The following AGRN variants were observed in gnomAD, a reference collection of about 807,000 sequenced individuals.
AGRN encodes agrin proteoglycan.
AGRN carries 106 observed loss-of-function variants against 211.0 expected under a neutral mutation model. That is an observed-to-expected ratio of 0.50 (90% CI 0.43 to 0.59). AGRN has a LOEUF of 0.59. Among genes scored for constraint, AGRN ranks in the 20% least tolerant of loss-of-function variants. The probability of loss-of-function intolerance (pLI) is 0.00; values close to 1 mark genes in which losing one functional copy is unlikely to be tolerated. For synonymous variants in AGRN, 1,525 were observed against 1,332.5 expected (o/e 1.14, Z -3.15); for missense variants, 3,040 against 2,982.6 (o/e 1.02, Z -0.45).
intron 2 of AGRN, chr1:1,034,105 C>G: frequency 1.0e-6 from 1 of 985,052 alleles, no homozygotes; most frequent in Non-Finnish European, 1.2e-6. Context: ...CCCCTCCTGC[C>G]TGCCCGCTCC....
chr1:1,035,561 C>T (rs1039785424), intron 3 of AGRN, among the ~76,000 whole-genome samples: 3 of 152,258 alleles, frequency 2.0e-5, no homozygotes, highest in Non-Finnish European at 4.4e-5. Context: ...GGGCCTCAGC[C>T]CCCTCAGCCT....
intron 2 of AGRN, among the ~76,000 whole-genome samples, chr1:1,028,504 T>C (rs1206661459): frequency 6.3e-4 from 85 of 135,630 alleles, no homozygotes; most frequent in African/African-American, 1.5e-3. Flanking sequence ...ACGCCACCCT[T>C]TCCGAAGGAA....
intron 2 of AGRN, among the ~76,000 whole-genome samples, chr1:1,029,317 G>A (rs951590092): frequency 7.0e-6 from 1 of 143,502 alleles, no homozygotes; most frequent in Non-Finnish European, 1.5e-5. Context: ...ATGGGTGGGG[G>A]TTGAGGGACA....
At chr1:1,035,178 G>T (rs1482556618) in intron 2 of AGRN, 99 bp from the exon 3 acceptor site, 23 of 1,229,722 alleles carry the variant, frequency 1.9e-5, no homozygotes, top group Middle Eastern at 2.7e-4. Flanking sequence ...GTGGGGGGGG[G>T]GGGGTGGGCA....
chr1:1,051,311 TCAG>T lies in AGRN; in HGVS notation c.5315_5317del (p.Ser1772del), dbSNP rs1302115581. On this transcript the variant is annotated inframe_deletion, in exon 31 of 36. Coordinates refer to ENST00000379370, the MANE Select transcript of AGRN (RefSeq NM_198576.4). ...CTCTACGTAGGGGGCGCTCCCGACT[TCAG>T]CAAGCTGGCCCGTGCTGCTGCCGTG... 6 of 1,571,378 alleles carry T rather than the reference TCAG, an allele frequency of 3.8e-6. No homozygotes were observed. In the African/African-American group the frequency reaches 4.0e-5, roughly 11 times the overall value.
Position 1,048,061 on chromosome 1 carries a change from G to T in AGRN, c.3801G>T (p.Ala1267=), listed in dbSNP as rs148483856. 1 of 1,584,960 alleles carries T rather than the reference G, an allele frequency of 6.3e-7. No individual in the cohort carries two copies. Among genetic ancestry groups the T allele is most frequent in the East Asian group, 2.3e-5 (1 of 43,740 alleles). The change falls in exon 23 of 36, where the codon GCG becomes GCT. Residue 1267 remains alanine (A), a synonymous_variant. Coordinates refer to ENST00000379370, the MANE Select transcript of AGRN (RefSeq NM_198576.4). The surrounding 1 kb of genome is among the most constrained non-coding windows in gnomAD (Gnocchi z 5.9). ...ITGATSGAIA[A]GATARATTAS... Reference sequence around the variant, plus strand: ...GGGCCACGTCAGGAGCCATTGCTGCGGGAGCCACGGCCAGAGCCACCACTG... The same window carrying T: ...GGGCCACGTCAGGAGCCATTGCTGCTGGAGCCACGGCCAGAGCCACCACTG...
At position 1,054,822 on chromosome 1, in the gene AGRN, A is replaced by AG; in HGVS notation, c.5984dup. 1 of 1,555,854 alleles carries AG rather than the reference A, an allele frequency of 6.4e-7. No homozygotes were observed. On this transcript the variant is annotated splice_acceptor_variant, in intron 35 of 35. Transcript: ENST00000379370. LOFTEE classifies it high-confidence loss of function. The stretch of plus-strand genomic sequence containing the variant: ...GGGTGACTCCCACTGTCTGTGCTGC[A>AG]GGGGGCCTGCCGGAGCTGCCCGTGG...
Position 1,045,823 on chromosome 1 carries a change from A to T in AGRN, c.2627A>T (p.Lys876Met), listed in dbSNP as rs756372072. ...TGTAAGCCCGGGGTGGCTGGACCCAAGTGTGGGCAGTGTCCAGACGGCCGT... is the reference window on the plus strand; with the variant it reads ...TGTAAGCCCGGGGTGGCTGGACCCATGTGTGGGCAGTGTCCAGACGGCCGT... ...CSCKPGVAGP[K>M]CGQCPDGRAL... The change falls in exon 15 of 36, where the codon AAG becomes ATG. Residue 876 changes from lysine (K) to methionine (M), a missense_variant. Coordinates refer to ENST00000379370, the MANE Select transcript of AGRN (RefSeq NM_198576.4). 10 of 1,612,626 alleles carry T rather than the reference A, an allele frequency of 6.2e-6. No individual in the cohort carries two copies. The East Asian group carries it at 1.3e-4, about 22-fold the overall frequency.
intron 2 of AGRN, among the ~76,000 whole-genome samples, chr1:1,027,554 G>A (rs1007614734): frequency 6.6e-6 from 1 of 152,254 alleles, no homozygotes; most frequent in Non-Finnish European, 1.5e-5. Context: ...CTGGCAAAGG[G>A]CCCAGGACCT....
intron 2 of AGRN, among the ~76,000 whole-genome samples, chr1:1,023,047 G>A (rs1178692627): frequency 6.6e-6 from 1 of 152,256 alleles, no homozygotes; most frequent in African/African-American, 2.4e-5. Context: ...CGCAGGACAA[G>A]TCCCAGTTGG....
Position 1,049,394 on chromosome 1 carries a change from G to T in AGRN, c.4457G>T (p.Gly1486Val). 4 of 1,598,966 alleles carry T rather than the reference G, an allele frequency of 2.5e-6. No homozygotes were observed. The highest frequency in any genetic ancestry group is 1.3e-5 in the African/African-American group (1 of 75,000). Reference protein sequence around the residue: ...VLGESPSGTDGLNLDTDLFVG... With the variant: ...VLGESPSGTDVLNLDTDLFVG... ...GGCGAGAGTCCCAGTGGCACCGACG[G>T]CCTCAACCTGGACACAGACCTCTTT... The change falls in exon 25 of 36, where the codon GGC (glycine) becomes GTC (valine). Residue 1486 changes from glycine to valine, a missense_variant. Coordinates refer to ENST00000379370, the MANE Select transcript of AGRN (RefSeq NM_198576.4).
At chr1:1,020,688 G>A (rs1447793440) in intron 1 of AGRN, among the ~76,000 whole-genome samples, 1 of 152,160 alleles carries the variant, frequency 6.6e-6, no homozygotes, top group Non-Finnish European at 1.5e-5. Flanking sequence ...GGGAGGGGGG[G>A]CCTTTGCCCG....
chr1:1,049,076 C>G lies in AGRN; in HGVS notation c.4298+17C>G. 9.5e-7 allele frequency: 1 copy of G among 1,054,260 alleles called. No individual in the cohort carries two copies. Among genetic ancestry groups the G allele is most frequent in the Non-Finnish European group, 1.3e-6 (1 of 741,250 alleles). 65.3% of individuals were successfully genotyped at this position (1,054,260 alleles called of 1,614,324 possible). A position where few individuals can be genotyped will look rare whatever the true frequency, so the allele number is the denominator to read the frequency against. On this transcript the variant is annotated intron_variant, in intron 24 of 35. Transcript: ENST00000379370. ...GCAGCTCAGGTGGGCGGGGAGGGGA[C>G]GGGGCCGGGGCAGCTCAGGTGGGCG...
chr1:1,054,809 C>T lies in AGRN; in HGVS notation c.5981-15C>T, dbSNP rs1272875445. On this transcript the variant is annotated splice_polypyrimidine_tract_variant and intron_variant, in intron 35 of 35. Transcript: ENST00000379370. ...CTGAGTCACAGCCGGGTGACTCCCA[C>T]TGTCTGTGCTGCAGGGGGCCTGCCG... The T allele has an allele frequency of 6.4e-7, 1 of 1,551,400 alleles. No individual in the cohort carries two copies. The highest frequency in any genetic ancestry group is 2.4e-5 in the East Asian group (1 of 41,640).
At position 1,050,868 on chromosome 1, in the gene AGRN, G is replaced by A. The variant is rs372031232; in HGVS notation, c.5253+31G>A. On this transcript the variant is annotated intron_variant, in intron 30 of 35. Coordinates refer to ENST00000379370, the MANE Select transcript of AGRN (RefSeq NM_198576.4). Reference sequence around the variant, plus strand: ...TGCTCTGGGCCGCGAGGGGACTCCCGCTGCTGCCTGCTCTTCCTCCTCGGG... The same window carrying A: ...TGCTCTGGGCCGCGAGGGGACTCCCACTGCTGCCTGCTCTTCCTCCTCGGG... 759 of 1,527,892 alleles carry A rather than the reference G, an allele frequency of 5.0e-4. 3 individuals carry two copies. The highest frequency in any genetic ancestry group is 3.3e-3 in the Middle Eastern group (18 of 5,534). 94.6% of individuals were successfully genotyped at this position (1,527,892 alleles called of 1,614,324 possible). A position where few individuals can be genotyped will look rare whatever the true frequency, so the allele number is the denominator to read the frequency against.
Position 1,045,254 on chromosome 1 carries a change from G to A in AGRN, c.2348G>A (p.Gly783Asp). 1 of 1,611,690 alleles carries A rather than the reference G, an allele frequency of 6.2e-7. No homozygotes were observed. Among genetic ancestry groups the A allele is most frequent in the Non-Finnish European group, 8.5e-7 (1 of 1,179,500 alleles). Residue 783 changes from glycine to aspartate, a missense_variant, in exon 13 of 36, where the codon GGC (glycine) becomes GAC (aspartate). Physicochemically the swap from Gly to Asp is moderately conservative, Grantham distance 94. This residue lies in a region of AGRN where 1,498 missense variants were observed against 1,457.8 expected (regional missense o/e 1.03). Coordinates refer to ENST00000379370, the MANE Select transcript of AGRN (RefSeq NM_198576.4). ...CAGGACAATATCACCGCAGCCCGGG[G>A]CGTGGGCCTGGCTGGCTGCCCCAGT... ...CCQDNITAAR[G>D]VGLAGCPSAC...
At chr1:1,052,123 G>A (rs142975602) in intron 33 of AGRN, 231 of 1,296,770 alleles carry the variant, frequency 1.8e-4, no homozygotes, top group East Asian at 1.5e-3. Flanking sequence ...CCCTTGTGGC[G>A]GAGGATGGGG....
chr1:1,021,202 G>T (rs1472191245), intron 1 of AGRN, among the ~76,000 whole-genome samples: 3 of 152,192 alleles, frequency 2.0e-5, no homozygotes, highest in Non-Finnish European at 4.4e-5. Flanking sequence ...CTCCCCCGCC[G>T]GCCCAGTCTC....
At position 1,045,195 on chromosome 1, in the gene AGRN, C is replaced by G; in HGVS notation, c.2289C>G (p.Pro763=). 6.2e-7 allele frequency: 1 copy of G among 1,612,738 alleles called. No individual in the cohort carries two copies. ...TCGCCCCGCTGCCGCCTGTGGCCCC[C>G]TTACACTGTGCCCAGACGCCCTACG... is the stretch of plus-strand genomic sequence containing the variant. The part of the protein sequence containing the change: ...PTFAPLPPVA[P]LHCAQTPYGC... Residue 763 remains proline (P), a synonymous_variant, in exon 13 of 36, where the codon CCC becomes CCG. Transcript: ENST00000379370.
Sources: allele counts gnomAD v4.1 joint callset (sites outside exome capture counted in the v4.1 genomes callset), GRCh38; gene constraint gnomAD v4.1.1; regional missense constraint gnomAD v4.1.1; non-coding constraint Gnocchi (gnomAD v3.1); transcripts MANE v1.5; gene names NCBI Gene and HGNC (gene_info 2026-07-23, HGNC 2026-07-21).